Variants in P4HTM observed in about 807,000 individuals in gnomAD.
P4HTM encodes the protein prolyl 4-hydroxylase, transmembrane.
Under a neutral mutation model 55.3 loss-of-function variants are expected in P4HTM, and 33 were observed. The ratio of observed to expected loss-of-function variants is 0.60; its 90% CI spans 0.45 to 0.80. The LOEUF is 0.80. Among genes scored for constraint, P4HTM ranks in the 30% least tolerant of loss-of-function variants. P4HTM has a pLI of 0.00. For missense variants in P4HTM, 542 were observed against 696.5 expected (o/e 0.78, Z 2.50); for synonymous variants, 272 against 286.4 (o/e 0.95, Z 0.51).
In P4HTM at chr3:48,990,763, G is replaced by T; in HGVS notation, c.355-70G>T. On this transcript the variant is annotated intron_variant, in intron 1 of 8. Coordinates refer to ENST00000383729, the MANE Select transcript of P4HTM (RefSeq NM_177939.3). The surrounding 1 kb of genome is among the most constrained non-coding windows in gnomAD (Gnocchi z 7.2). Reference sequence around the variant, plus strand: ...CTCGCCTGCTGTCGCTCTCCGGGCCGGGGCGACTTGGCCCTTCTTGGGCAG... The same window carrying T: ...CTCGCCTGCTGTCGCTCTCCGGGCCTGGGCGACTTGGCCCTTCTTGGGCAG... 6.5e-7 allele frequency: 1 copy of T among 1,544,984 alleles called. No homozygotes were observed. Among genetic ancestry groups the T allele is most frequent in the Admixed American group, 1.8e-5 (1 of 57,080 alleles).
intron 2 of P4HTM, chr3:48,991,286 G>A (rs1348153425): frequency 4.9e-6 from 1 of 205,230 alleles, no homozygotes; most frequent in Non-Finnish European, 9.9e-6. Flanking sequence ...TCCCACTGCC[G>A]AAGTGGGCCT....
chr3:49,006,506 G>A (rs2092982367), intron 8 of P4HTM, among the ~76,000 whole-genome samples, 181 bp from the exon 9 acceptor site: 1 of 152,216 alleles, frequency 6.6e-6, no homozygotes, highest in Non-Finnish European at 1.5e-5. Context: ...GTTTCAGAGG[G>A]CCAGTAGTGT....
chr3:49,005,519 G>A (rs2092975240), intron 6 of P4HTM: 5 of 1,344,662 alleles, frequency 3.7e-6, no homozygotes, highest in Non-Finnish European at 4.7e-6. Context: ...TCCCTGCCAG[G>A]CCCTTGCTCA....
At position 49,005,757 on chromosome 3, in the gene P4HTM, G is replaced by T; in HGVS notation, c.1074-20G>T. ...GCATCCACAACTGGGGACCTGCTCA[G>T]TGCCCCCCCTGCCTTACAGCTACAT... On this transcript the variant is annotated intron_variant, in intron 6 of 8. Coordinates refer to ENST00000383729, the MANE Select transcript of P4HTM (RefSeq NM_177939.3). The T allele has an allele frequency of 6.3e-7, 1 of 1,590,988 alleles. No individual in the cohort carries two copies. Among genetic ancestry groups the T allele is most frequent in the Middle Eastern group, 1.7e-4 (1 of 5,814 alleles).
chr3:49,005,693 C>A (rs968318898), intron 6 of P4HTM, 84 bp from the exon 7 acceptor site: 3 of 1,500,892 alleles, frequency 2.0e-6, no homozygotes, highest in Non-Finnish European at 8.9e-7. Flanking sequence ...GCAACAGGAA[C>A]CTGGGCAGCT....
At position 49,001,629 on chromosome 3, in the gene P4HTM, G is replaced by T. The variant is rs762349081; in HGVS notation, c.627+1G>T. 1 of 1,608,470 alleles carries T rather than the reference G, an allele frequency of 6.2e-7. No individual in the cohort carries two copies. The highest frequency in any genetic ancestry group is 1.7e-5 in the Admixed American group (1 of 59,938). ...TGATGGGCACCTTCAGCTCCGTGAG[G>T]TTGGAATCCTGGGACCTGAGTAGGC... On this transcript the variant is annotated splice_donor_variant, in intron 3 of 8. Transcript: ENST00000383729. LOFTEE classifies it high-confidence loss of function.
intron 2 of P4HTM, among the ~76,000 whole-genome samples, chr3:48,994,679 T>G (rs1399905212): frequency 2.0e-5 from 3 of 152,206 alleles, no homozygotes; most frequent in Non-Finnish European, 4.4e-5. Flanking sequence ...CATTGCCACC[T>G]CTCTGGGGAC....
intron 2 of P4HTM, among the ~76,000 whole-genome samples, chr3:48,992,677 T>A (rs2092934190): frequency 6.7e-6 from 1 of 149,976 alleles, no homozygotes; most frequent in Admixed American, 6.6e-5. Flanking sequence ...TTTTTTTTTT[T>A]TTTTTTAGAC....
At chr3:49,006,521 T>C (rs540545299) in intron 8 of P4HTM, among the ~76,000 whole-genome samples, 166 bp from the exon 9 acceptor site, 1 of 152,352 alleles carries the variant, frequency 6.6e-6, no homozygotes, top group East Asian at 1.9e-4. Context: ...TAGTGTTGAC[T>C]ATACATTAGT....
At chr3:49,006,214 G>T in intron 8 of P4HTM, 27 bp downstream of exon 8, 3 of 1,599,156 alleles carry the variant, frequency 1.9e-6, no homozygotes, top group Non-Finnish European at 2.6e-6. Context: ...AGGCCTGGGG[G>T]GGGTGCCCTG....
chr3:49,002,546 A>G lies in P4HTM; in HGVS notation c.674A>G (p.Glu225Gly). 6.2e-7 allele frequency: 1 copy of G among 1,614,176 alleles called. No homozygotes were observed. The highest frequency in any genetic ancestry group is 8.5e-7 in the Non-Finnish European group (1 of 1,180,010). ...RLGNGWWMTP[E>G]SIQEMYAAIK... is the part of the protein sequence containing the mutation. ...GGAAATGGATGGTGGATGACTCCAG[A>G]GAGCATTCAGGAGATGTACGCCGCG... Residue 225 changes from glutamate to glycine, a missense_variant, in exon 4 of 9, where the codon GAG becomes GGG. This residue lies in a region of P4HTM where 536 missense variants were observed against 672.1 expected (regional missense o/e 0.80). Coordinates refer to ENST00000383729, the MANE Select transcript of P4HTM (RefSeq NM_177939.3). This position sits in a 1 kb window ranked among gnomAD's most constrained non-coding sequence, Gnocchi z 4.4.
chr3:49,001,773 TC>T, intron 3 of P4HTM, 145 bp downstream of exon 3: 1 of 684,314 alleles, frequency 1.5e-6, no homozygotes, highest in South Asian at 1.9e-5. Context: ...ACCCAGGAGG[TC>T]CCCTTTCCCT....
At chr3:49,004,032 T>G in intron 4 of P4HTM, 66 bp from the exon 5 acceptor site, 1 of 1,478,546 alleles carries the variant, frequency 6.8e-7, no homozygotes, top group Non-Finnish European at 9.1e-7. Flanking sequence ...GGTAGGGAAG[T>G]GCAGCCTGCC....
chr3:49,002,856 T>A lies in P4HTM; in HGVS notation c.724+260T>A. 1.8e-6 allele frequency: 1 copy of A among 543,716 alleles called. No homozygotes were observed. Among genetic ancestry groups the A allele is most frequent in the Non-Finnish European group, 3.4e-6 (1 of 294,314 alleles). 33.7% of individuals were successfully genotyped at this position (543,716 alleles called of 1,614,324 possible). A position where few individuals can be genotyped will look rare whatever the true frequency, so the allele number is the denominator to read the frequency against. ...CCCTTTTGATAACATCAGGCAGAGTTGAGAGCCTGGGGACAGGAAGTAGGG... is the reference window on the plus strand; with the variant it reads ...CCCTTTTGATAACATCAGGCAGAGTAGAGAGCCTGGGGACAGGAAGTAGGG... On this transcript the variant is annotated intron_variant, in intron 4 of 8. Coordinates refer to ENST00000383729, the MANE Select transcript of P4HTM (RefSeq NM_177939.3). This position sits in a 1 kb window ranked among gnomAD's most constrained non-coding sequence, Gnocchi z 4.4.
chr3:48,994,371 A>G (rs926961494), intron 2 of P4HTM, among the ~76,000 whole-genome samples: 5 of 152,210 alleles, frequency 3.3e-5, no homozygotes, highest in African/African-American at 1.2e-4. Flanking sequence ...GGGCAAGGGA[A>G]CTGGGGTCCA....
chr3:49,004,806 C>T, intron 5 of P4HTM, 55 bp from the exon 6 acceptor site: 1 of 1,556,016 alleles, frequency 6.4e-7, no homozygotes, highest in South Asian at 1.2e-5. Flanking sequence ...TGGCCAGCTC[C>T]TTCAGATCAC....
chr3:49,003,882 G>A, intron 4 of P4HTM: 1 of 531,600 alleles, frequency 1.9e-6, no homozygotes, highest in Non-Finnish European at 3.3e-6. Context: ...CTTAAACTGA[G>A]AAAAGGAACT....
In P4HTM at chr3:49,006,933, C is replaced by G; in HGVS notation, c.*26C>G. The G allele has an allele frequency of 6.3e-7, 1 of 1,578,036 alleles. No homozygotes were observed. Among genetic ancestry groups the G allele is most frequent in the Non-Finnish European group, 8.6e-7 (1 of 1,157,308 alleles). On this transcript the variant is annotated 3_prime_UTR_variant, in exon 9 of 9. Transcript: ENST00000383729. ...GGGAAGAGTTAGCCCCGGTTCCCAG[C>G]CGCGGGTCGCCAGTTGCCCAAGATC...
At chr3:49,003,926 G>A in intron 4 of P4HTM, 172 bp from the exon 5 acceptor site, 1 of 610,632 alleles carries the variant, frequency 1.6e-6, no homozygotes, top group Non-Finnish European at 2.9e-6. Flanking sequence ...TGATGTGACA[G>A]AAACCAGGTT....
Sources: gnomAD v4.1 joint callset for allele counts (sites outside exome capture counted in the v4.1 genomes callset) on GRCh38, gnomAD v4.1.1 for gene constraint, gnomAD v4.1.1 regional missense constraint, Gnocchi (gnomAD v3.1) non-coding constraint, MANE v1.5 for transcripts, NCBI Gene and HGNC (gene_info 2026-07-23, HGNC 2026-07-21) for gene names.